POU6F2: variants seen among roughly 807,000 people sequenced by gnomAD.
POU6F2 encodes the protein POU class 6 homeobox 2, also known as POU domain, class 6, transcription factor 2.
A neutral mutation model predicts 71.3 loss-of-function variants in POU6F2; 31 were observed. That is an observed-to-expected ratio of 0.43 (90% CI 0.33 to 0.59). The LOEUF (loss-of-function observed/expected upper bound fraction) is 0.59. Ranked by LOEUF, POU6F2 falls within the 20% of genes least tolerant of loss-of-function variation. POU6F2 has a pLI of 0.04. For missense variants in POU6F2, 783 were observed against 856.8 expected, an observed-to-expected ratio of 0.91 and a Z score of 1.07; for synonymous variants, 347 against 355.7, an observed-to-expected ratio of 0.98 and a Z score of 0.27.
chr7:39,339,899 T>C lies in POU6F2; in HGVS notation c.856T>C (p.Ser286Pro). ...CCAGCAGCACCAACCCCACTCCCACTCCCAGAACCAGAACCAACCATCTCC... is the reference window on the plus strand; with the variant it reads ...CCAGCAGCACCAACCCCACTCCCACCCCCAGAACCAGAACCAACCATCTCC... The part of the protein sequence containing the change: ...QPQQHQPHSH[S>P]QNQNQPSPTQ... Residue 286 changes from serine (S) to proline (P), a missense_variant, in exon 5 of 10, where the codon TCC (serine) becomes CCC (proline). Physicochemically the swap from Ser to Pro is moderately conservative, Grantham distance 74 (BLOSUM62 -1). Coordinates refer to ENST00000518318, the MANE Select transcript of POU6F2 (RefSeq NM_001370959.1). The C allele has an allele frequency of 6.2e-7, 1 of 1,612,526 alleles. No individual in the cohort carries two copies. The highest frequency in any genetic ancestry group is 8.5e-7 in the Non-Finnish European group (1 of 1,179,580).
chr7:39,080,730 T>C (rs1791101209), intron 1 of POU6F2, among the ~76,000 whole-genome samples: 1 of 152,326 alleles, frequency 6.6e-6, no homozygotes, highest in Non-Finnish European at 1.5e-5. Context: ...TACATAAAAA[T>C]ATGCTGGACC....
intron 1 of POU6F2, among the ~76,000 whole-genome samples, chr7:39,085,599 G>A (rs1206329304): frequency 6.8e-6 from 1 of 146,772 alleles, no homozygotes; most frequent in African/African-American, 2.5e-5. Flanking sequence ...TTTTTCCTCC[G>A]AAGCCTCCTG....
rs551740979 is a variant in POU6F2 at position 39,054,323 on chromosome 7, C to G, written c.106-31537C>G. ...AAAGGTTACAACATTTCTTATCAAC[C>G]CTGACCCTCACAACAGTCATGGGCA... is the stretch of plus-strand genomic sequence containing the variant. On this transcript the variant is annotated intron_variant, in intron 1 of 9. Coordinates refer to ENST00000518318, the MANE Select transcript of POU6F2 (RefSeq NM_001370959.1). Among the ~76,000 whole-genome samples the G allele has an allele frequency of 4.2e-3, 634 of 151,936 alleles. 2 individuals are homozygous for G. Among genetic ancestry groups the G allele is most frequent in the African/African-American group, 0.015 (602 of 41,416 alleles).
At chr7:39,131,028 A>G (rs1792266422) in intron 2 of POU6F2, among the ~76,000 whole-genome samples, 1 of 152,192 alleles carries the variant, frequency 6.6e-6, no homozygotes, top group Admixed American at 6.5e-5. Flanking sequence ...AGGAAAGGCT[A>G]ATTGAGAAGT....
At chr7:39,158,000 A>G (rs1422672229) in intron 2 of POU6F2, among the ~76,000 whole-genome samples, 1 of 152,242 alleles carries the variant, frequency 6.6e-6, no homozygotes, top group Non-Finnish European at 1.5e-5. Context: ...AAGGCATGCT[A>G]CAGGCTGAAG....
At chr7:39,127,633 C>T (rs950277684) in intron 2 of POU6F2, among the ~76,000 whole-genome samples, 5 of 151,876 alleles carry the variant, frequency 3.3e-5, no homozygotes, top group East Asian at 1.9e-4. Flanking sequence ...GCTAGATTAG[C>T]GGGGGCTGAC....
intron 5 of POU6F2, among the ~76,000 whole-genome samples, chr7:39,342,795 A>G (rs1583539045): frequency 6.6e-6 from 1 of 152,218 alleles, no homozygotes; most frequent in Non-Finnish European, 1.5e-5. Flanking sequence ...ACCTCGTATC[A>G]GGCTTTTCTG....
In POU6F2 at chr7:39,373,250, G is replaced by A. The variant is rs185106635; in HGVS notation, c.972+33235G>A. Reference sequence around the variant, plus strand: ...AGCAGTGACGTTGATGACAGAAGGTGAAGGAAGAGAGGGGTACAAAGAAGA... The same window carrying A: ...AGCAGTGACGTTGATGACAGAAGGTAAAGGAAGAGAGGGGTACAAAGAAGA... On this transcript the variant is annotated intron_variant, in intron 5 of 9. Transcript: ENST00000518318. Among the ~76,000 whole-genome samples the A allele has an allele frequency of 3.0e-3, 460 of 152,322 alleles. 3 individuals carry two copies. The highest frequency in any genetic ancestry group is 0.011 in the African/African-American group (438 of 41,578).
intron 1 of POU6F2, among the ~76,000 whole-genome samples, chr7:39,081,974 G>T (rs1284767481): frequency 1.3e-5 from 2 of 152,194 alleles, no homozygotes; most frequent in Non-Finnish European, 2.9e-5. Flanking sequence ...TTAGCCCACT[G>T]AGCCTCCGTC....
At chr7:39,062,709 T>C (rs1406672542) in intron 1 of POU6F2, among the ~76,000 whole-genome samples, 1 of 148,258 alleles carries the variant, frequency 6.7e-6, no homozygotes, top group Non-Finnish European at 1.5e-5. Flanking sequence ...AGTGTGACAG[T>C]GGTCATTGGA....
chr7:39,115,452 C>T (rs1481817286), intron 2 of POU6F2, among the ~76,000 whole-genome samples: 1 of 152,124 alleles, frequency 6.6e-6, no homozygotes, highest in Non-Finnish European at 1.5e-5. Context: ...TCAGGAGTCC[C>T]TTCTTGCTGT....
At chr7:39,271,404 C>T (rs1784335912) in intron 4 of POU6F2, among the ~76,000 whole-genome samples, 1 of 150,410 alleles carries the variant, frequency 6.6e-6, no homozygotes, top group African/African-American at 2.5e-5. Flanking sequence ...GACCTAAAGG[C>T]ATGGCAAGAG....
rs560382177 is a variant in POU6F2, at chr7:39,405,805, C to G, written c.973-795C>G. Among the ~76,000 whole-genome samples, 185 of 152,258 alleles carry G rather than the reference C, an allele frequency of 1.2e-3. 2 individuals are homozygous for G. Among genetic ancestry groups the G allele is most frequent in the Admixed American group, 1.8e-3 (28 of 15,302 alleles). ...CCATGGAAAAACAGATTTTGGCAGC[C>G]ATAACCTCCTCCCCGGCAGGTCTCT... On this transcript the variant is annotated intron_variant, in intron 5 of 9. Transcript: ENST00000518318.
chr7:39,369,572 C>T (rs928768442), intron 5 of POU6F2, among the ~76,000 whole-genome samples: 12 of 151,984 alleles, frequency 7.9e-5, no homozygotes, highest in African/African-American at 1.2e-4. Flanking sequence ...CCATGTTGGC[C>T]GGGCTGGTCT....
intron 4 of POU6F2, among the ~76,000 whole-genome samples, chr7:39,276,684 A>G (rs1784445731): frequency 6.6e-6 from 1 of 152,030 alleles, no homozygotes; most frequent in Non-Finnish European, 1.5e-5. Context: ...TGGATTAAGA[A>G]AATGTGGCAC....
In POU6F2 at chr7:39,052,765, G is replaced by A. The variant is rs139149399; in HGVS notation, c.106-33095G>A. ...TGCTCTTCTTCCTTGGGCCATTCAC[G>A]GAAGCATTCAGATAAAAACATTGTT... On this transcript the variant is annotated intron_variant, in intron 1 of 9. Transcript: ENST00000518318. 1.1e-4 allele frequency among the ~76,000 whole-genome samples: 16 copies of A among 152,180 alleles called. No homozygotes were observed. In the East Asian group the frequency reaches 2.1e-3, roughly 20 times the overall value.
intron 1 of POU6F2, chr7:39,034,536 G>A (rs1318460987): frequency 2.5e-6 from 1 of 403,592 alleles, no homozygotes; most frequent in South Asian, 1.7e-5. Flanking sequence ...CATAAAGTCG[G>A]GGTCAGATTG....
chr7:39,186,369 G>GCTA (rs1207359785), intron 2 of POU6F2, among the ~76,000 whole-genome samples: 1 of 152,152 alleles, frequency 6.6e-6, no homozygotes, highest in Non-Finnish European at 1.5e-5. Context: ...GCAAGCGTTT[G>GCTA]CTACTTGGTT....
At chr7:39,154,176 G>A (rs1792816429) in intron 2 of POU6F2, among the ~76,000 whole-genome samples, 1 of 152,184 alleles carries the variant, frequency 6.6e-6, no homozygotes, top group Non-Finnish European at 1.5e-5. Flanking sequence ...AAAGGGATGT[G>A]TTTCCTACTT....
Sources: gnomAD v4.1 joint callset for allele counts (sites outside exome capture counted in the v4.1 genomes callset) on GRCh38, gnomAD v4.1.1 for gene constraint, MANE v1.5 for transcripts, NCBI Gene and HGNC (gene_info 2026-07-23, HGNC 2026-07-21) for gene names.